The following EDIL3 variants were observed in gnomAD, a reference collection of about 807,000 sequenced individuals.
EDIL3 encodes EGF-like repeat and discoidin I-like domain-containing protein 3.
EDIL3 carries 37 observed loss-of-function variants against 67.4 expected under a neutral mutation model. That is an observed-to-expected ratio of 0.55 (90% CI 0.42 to 0.72). EDIL3 has a LOEUF of 0.72. Among genes scored for constraint, EDIL3 ranks in the 30% least tolerant of loss-of-function variants. EDIL3 has a pLI of 0.00. For missense variants in EDIL3, 527 were observed against 586.3 expected (o/e 0.90, Z 1.04); for synonymous variants, 195 against 196.3 (o/e 0.99, Z 0.05).
intron 1 of EDIL3, among the ~76,000 whole-genome samples, chr5:84,356,836 C>T (rs1334302695): frequency 2.4e-5 from 3 of 127,472 alleles, no homozygotes; most frequent in Non-Finnish European, 4.9e-5. Flanking sequence ...GAGTTTAATT[C>T]TTGAAATACT....
At chr5:84,337,993 T>C (rs1354625390) in intron 1 of EDIL3, among the ~76,000 whole-genome samples, 1 of 152,188 alleles carries the variant, frequency 6.6e-6, no homozygotes, top group Non-Finnish European at 1.5e-5. Context: ...ATGACTATTA[T>C]TAAATACTGA....
chr5:84,319,594 G>A (rs543055603), intron 1 of EDIL3, among the ~76,000 whole-genome samples: 205 of 141,636 alleles, frequency 1.4e-3, no homozygotes, highest in African/African-American at 4.8e-3. Context: ...ACAGTGTGGC[G>A]ATTCCTAAAT....
chr5:84,166,456 G>T (rs1244095339), intron 4 of EDIL3, among the ~76,000 whole-genome samples: 1 of 152,034 alleles, frequency 6.6e-6, no homozygotes, highest in Non-Finnish European at 1.5e-5. Flanking sequence ...TGATTCATTG[G>T]TTAACACACC....
chr5:84,063,738 C>T (rs1353405617), intron 8 of EDIL3, among the ~76,000 whole-genome samples: 1 of 152,040 alleles, frequency 6.6e-6, no homozygotes, highest in Non-Finnish European at 1.5e-5. Flanking sequence ...ACTTGTTCTC[C>T]TATTTTTAAT....
At position 83,940,874 on chromosome 5, in the gene EDIL3, A is replaced by C. The variant is rs1744212204; in HGVS notation, c.*2545T>G. The stretch of plus-strand genomic sequence containing the variant: ...ACCAAACTTTATGAAGTCATTCAGA[A>C]AGAGAAAGTCAATCCTAAAATTAAA... On this transcript the variant is annotated 3_prime_UTR_variant, in exon 11 of 11. Coordinates refer to ENST00000296591, the MANE Select transcript of EDIL3 (RefSeq NM_005711.5). The C allele has an allele frequency of 6.6e-6, 1 of 152,036 alleles. No homozygotes were observed. Among genetic ancestry groups the C allele is most frequent in the African/African-American group, 2.4e-5 (1 of 41,448 alleles). 9.4% of individuals were successfully genotyped at this position (152,036 alleles called of 1,614,324 possible).
intron 9 of EDIL3, among the ~76,000 whole-genome samples, chr5:84,022,003 G>A (rs1745725946): frequency 6.6e-6 from 1 of 151,762 alleles, no homozygotes; most frequent in Non-Finnish European, 1.5e-5. Context: ...TCCTCCCCAA[G>A]TTATTCCAAA....
chr5:84,193,940 A>G (rs772671265), intron 3 of EDIL3, among the ~76,000 whole-genome samples: 1 of 152,006 alleles, frequency 6.6e-6, no homozygotes, highest in Non-Finnish European at 1.5e-5. Context: ...TTAGGAGAAA[A>G]TGTTCTCCTT....
intron 4 of EDIL3, among the ~76,000 whole-genome samples, chr5:84,177,640 T>C (rs1748944281): frequency 6.6e-6 from 1 of 152,132 alleles, no homozygotes. Flanking sequence ...AGCAATGAGA[T>C]ATGTTAATAA....
At chr5:83,972,937 G>A (rs1046027942) in intron 9 of EDIL3, among the ~76,000 whole-genome samples, 3 of 151,844 alleles carry the variant, frequency 2.0e-5, no homozygotes, top group African/African-American at 7.3e-5. Flanking sequence ...AATAATTTTA[G>A]TTATAAGTAA....
chr5:84,205,182 T>C (rs1743941301), intron 3 of EDIL3, among the ~76,000 whole-genome samples: 1 of 150,762 alleles, frequency 6.6e-6, no homozygotes, highest in Non-Finnish European at 1.5e-5. Flanking sequence ...TCCAAAAGGG[T>C]TGGGATTACA....
intron 1 of EDIL3, among the ~76,000 whole-genome samples, chr5:84,333,177 TTAA>T (rs1341369044): frequency 2.6e-5 from 4 of 152,160 alleles, no homozygotes; most frequent in Admixed American, 2.6e-4. Flanking sequence ...CATTTGAAGA[TTAA>T]TAATTACATA....
rs1554062198 is a variant in EDIL3, at chr5:83,987,876, T to TATATATATATATAC, written c.1138-24517_1138-24516insGTATATATATATAT. ...TAGGGTGTGTGTGTGTATGTATATA[T>TATATATATATATAC]ATATATATATATATATAGCTTAATA... On this transcript the variant is annotated intron_variant, in intron 9 of 10. Transcript: ENST00000296591. 1.3e-3 allele frequency among the ~76,000 whole-genome samples: 187 copies of TATATATATATATAC among 148,154 alleles called. 2 individuals are homozygous for TATATATATATATAC. The highest frequency in any genetic ancestry group is 4.5e-3 in the African/African-American group (179 of 40,220).
At chr5:84,103,370 G>A (rs537639046) in intron 6 of EDIL3, among the ~76,000 whole-genome samples, 155 of 152,148 alleles carry the variant, frequency 1.0e-3, no homozygotes, top group African/African-American at 3.7e-3. Context: ...ATGACAAATG[G>A]GATCTAATTA....
intron 9 of EDIL3, among the ~76,000 whole-genome samples, chr5:84,003,163 TC>T (rs1276907915): frequency 6.6e-6 from 1 of 152,164 alleles, no homozygotes; most frequent in Non-Finnish European, 1.5e-5. Context: ...TCACTGTGAA[TC>T]CCCCAGGTCC....
chr5:84,172,609 C>CA (rs112878602), intron 4 of EDIL3, among the ~76,000 whole-genome samples: 59 of 150,506 alleles, frequency 3.9e-4, no homozygotes, highest in African/African-American at 1.3e-3. Flanking sequence ...ACAACAACAA[C>CA]AAAAAAATAA....
chr5:84,069,780 T>G (rs1219014855), intron 6 of EDIL3, among the ~76,000 whole-genome samples: 1 of 151,808 alleles, frequency 6.6e-6, no homozygotes, highest in Non-Finnish European at 1.5e-5. Flanking sequence ...GGACAAACAC[T>G]AGTGTTTTCA....
chr5:84,060,214 T>C, intron 9 of EDIL3, 86 bp downstream of exon 9: 3 of 1,478,936 alleles, frequency 2.0e-6, no homozygotes, highest in Non-Finnish European at 2.7e-6. Context: ...AGCGTGAAGG[T>C]AACGACTCTG....
chr5:84,162,029 A>C (rs1484935446), intron 4 of EDIL3, among the ~76,000 whole-genome samples: 1 of 152,088 alleles, frequency 6.6e-6, no homozygotes, highest in Non-Finnish European at 1.5e-5. Flanking sequence ...GTCTTTCCCA[A>C]GCAGTAATCA....
At chr5:84,209,081 T>A (rs1010784064) in intron 3 of EDIL3, among the ~76,000 whole-genome samples, 5 of 152,140 alleles carry the variant, frequency 3.3e-5, no homozygotes, top group African/African-American at 9.7e-5. Context: ...TGTAGGGACA[T>A]GGATGAAATT....
Sources: allele counts gnomAD v4.1 joint callset (sites outside exome capture counted in the v4.1 genomes callset), GRCh38; gene constraint gnomAD v4.1.1; transcripts MANE v1.5; gene names NCBI Gene and HGNC (gene_info 2026-07-23, HGNC 2026-07-21).